TMEM156: variants seen among roughly 807,000 people sequenced by gnomAD.
TMEM156 encodes transmembrane protein 156.
Under a neutral mutation model 30.5 loss-of-function variants are expected in TMEM156, and 28 were observed. The observed-to-expected ratio is 0.92, with a 90% CI of 0.68 to 1.26. The LOEUF (loss-of-function observed/expected upper bound fraction) is 1.26. TMEM156 is among the 50% of genes most tolerant of loss of function. TMEM156 has a pLI of 0.00. For synonymous variants in TMEM156, 137 were observed against 119.9 expected (o/e 1.14, Z -0.93); for missense variants, 351 against 340.6 (o/e 1.03, Z -0.24).
chr4:38,988,782 G>A, intron 4 of TMEM156, 69 bp downstream of exon 4: 1 of 1,588,928 alleles, frequency 6.3e-7, no homozygotes, highest in Non-Finnish European at 8.6e-7. Context: ...ATGCTAAATT[G>A]TACTAAAAAG....
intron 4 of TMEM156, among the ~76,000 whole-genome samples, chr4:38,987,194 C>T (rs1712069992): frequency 6.6e-6 from 1 of 152,194 alleles, no homozygotes; most frequent in Non-Finnish European, 1.5e-5. Context: ...AAATAACACA[C>T]ATTTACTTTA....
At chr4:39,016,387 A>AC (rs369068958) in intron 1 of TMEM156, among the ~76,000 whole-genome samples, 2,947 of 121,324 alleles carry the variant, frequency 0.024, 112 homozygotes, top group African/African-American at 0.078. Context: ...AAAAAAAAAG[A>AC]AGAAGAAAGA....
chr4:38,993,423 C>A (rs944590570), intron 3 of TMEM156, among the ~76,000 whole-genome samples: 7 of 151,442 alleles, frequency 4.6e-5, no homozygotes, highest in Non-Finnish European at 8.8e-5. Flanking sequence ...CAGAGTGAGA[C>A]CCTGTCTCAA....
chr4:39,008,732 A>G (rs1285992181), intron 1 of TMEM156, among the ~76,000 whole-genome samples: 1 of 152,208 alleles, frequency 6.6e-6, no homozygotes, highest in Admixed American at 6.5e-5. Context: ...ATAGAGAAAC[A>G]ATCTACTACA....
chr4:38,989,102 T>C (rs2109931834), intron 3 of TMEM156, 132 bp from the exon 4 acceptor site: 2 of 846,924 alleles, frequency 2.4e-6, no homozygotes, highest in East Asian at 2.6e-5. Context: ...CCATCACTGT[T>C]ACAGGGTCAC....
At chr4:39,002,966 T>C (rs111901569) in intron 1 of TMEM156, among the ~76,000 whole-genome samples, 2,963 of 152,126 alleles carry the variant, frequency 0.019, 51 homozygotes, top group Non-Finnish European at 0.03. Flanking sequence ...CGCACCAGCA[T>C]GGCACATGTA....
At chr4:38,975,746 C>A (rs34425492) in intron 5 of TMEM156, among the ~76,000 whole-genome samples, 37,611 of 151,912 alleles carry the variant, frequency 0.25, 4,748 homozygotes, top group East Asian at 0.32. Context: ...TCCCACCCCC[C>A]TGATGTGCAA....
chr4:39,010,392 C>T (rs1236772888), intron 1 of TMEM156, among the ~76,000 whole-genome samples: 1 of 152,074 alleles, frequency 6.6e-6, no homozygotes, highest in African/African-American at 2.4e-5. Context: ...TTAGAGAAAA[C>T]TATTCTAAAA....
chr4:38,995,754 A>T (rs994529552), intron 2 of TMEM156, among the ~76,000 whole-genome samples: 3 of 152,198 alleles, frequency 2.0e-5, no homozygotes, highest in African/African-American at 7.2e-5. Context: ...TTTTCCCTTG[A>T]ATCTGGGAAG....
chr4:38,982,641 C>T (rs1210725240), intron 5 of TMEM156, among the ~76,000 whole-genome samples: 1 of 152,086 alleles, frequency 6.6e-6, no homozygotes, highest in East Asian at 1.9e-4. Context: ...CAACAACAAT[C>T]CACAGATAAA....
intron 1 of TMEM156, among the ~76,000 whole-genome samples, chr4:39,011,449 T>C (rs1209612039): frequency 2.0e-5 from 3 of 152,132 alleles, no homozygotes; most frequent in Non-Finnish European, 4.4e-5. Context: ...CCTGCACTCA[T>C]ACGTTTATCA....
At chr4:39,027,689 G>C (rs1421285833) in intron 1 of TMEM156, among the ~76,000 whole-genome samples, 2 of 150,134 alleles carry the variant, frequency 1.3e-5, no homozygotes, top group Non-Finnish European at 3.0e-5. Flanking sequence ...CAGAGTAGCT[G>C]GGATTACAGG....
chr4:39,001,694 A>C (rs1447201980), intron 1 of TMEM156, among the ~76,000 whole-genome samples: 2 of 150,512 alleles, frequency 1.3e-5, no homozygotes, highest in Non-Finnish European at 3.0e-5. Context: ...GATATAGATC[A>C]ATGGAACAGA....
At chr4:38,977,992 A>AC (rs1350159482) in intron 5 of TMEM156, among the ~76,000 whole-genome samples, 1 of 152,178 alleles carries the variant, frequency 6.6e-6, no homozygotes, top group Non-Finnish European at 1.5e-5. Context: ...CTGGTATCTA[A>AC]CCTCAACTCA....
intron 5 of TMEM156, among the ~76,000 whole-genome samples, chr4:38,983,651 CG>C (rs1711745824): frequency 6.6e-6 from 1 of 152,206 alleles, no homozygotes; most frequent in South Asian, 2.1e-4. Context: ...CCTCCCACCT[CG>C]GCCTCCTAAA....
intron 1 of TMEM156, among the ~76,000 whole-genome samples, chr4:39,002,578 T>C (rs1451172133): frequency 7.0e-6 from 1 of 143,696 alleles, no homozygotes; most frequent in Non-Finnish European, 1.5e-5. Flanking sequence ...TAAAGACACA[T>C]GCACACGTAT....
intron 1 of TMEM156, among the ~76,000 whole-genome samples, chr4:39,023,341 T>C (rs1056320025): frequency 6.6e-6 from 1 of 152,170 alleles, no homozygotes; most frequent in East Asian, 1.9e-4. Flanking sequence ...TAGAGCATTA[T>C]TGAATAGAAA....
intron 1 of TMEM156, among the ~76,000 whole-genome samples, chr4:39,020,838 G>C (rs1264521429): frequency 6.6e-6 from 1 of 152,032 alleles, no homozygotes; most frequent in Non-Finnish European, 1.5e-5. Flanking sequence ...GTGAGCCACC[G>C]CACCCAGCCT....
chr4:38,986,548 C>T, intron 4 of TMEM156, 129 bp from the exon 5 acceptor site: 1 of 660,744 alleles, frequency 1.5e-6, no homozygotes. Context: ...GTGGTTCACG[C>T]CTGTAATCCC....
Sources: gnomAD v4.1 joint callset for allele counts (sites outside exome capture counted in the v4.1 genomes callset) on GRCh38, gnomAD v4.1.1 for gene constraint, MANE v1.5 for transcripts, NCBI Gene and HGNC (gene_info 2026-07-23, HGNC 2026-07-21) for gene names.